The following ARL15 variants were observed in gnomAD, a reference collection of about 807,000 sequenced individuals.
ARL15 encodes ARF like GTPase 15.
ARL15 carries 19 observed loss-of-function variants against 25.2 expected under a neutral mutation model. The ratio of observed to expected loss-of-function variants is 0.75; its 90% CI spans 0.53 to 1.10. The LOEUF (loss-of-function observed/expected upper bound fraction) is 1.10. ARL15 is among the 50% of genes least tolerant of loss of function. ARL15 has a pLI of 0.00. For synonymous variants in ARL15, 94 were observed against 86.8 expected, an observed-to-expected ratio of 1.08 and a Z score of -0.46; for missense variants, 220 against 246.0, an observed-to-expected ratio of 0.89 and a Z score of 0.71.
intron 4 of ARL15, among the ~76,000 whole-genome samples, chr5:53,953,573 C>T (rs1747047699): frequency 6.6e-6 from 1 of 151,976 alleles, no homozygotes; most frequent in African/African-American, 2.4e-5. Flanking sequence ...TACTGATGGT[C>T]AGTGTGCTAT....
At chr5:54,136,447 GACAA>G (rs1753605357) in intron 3 of ARL15, among the ~76,000 whole-genome samples, 1 of 152,048 alleles carries the variant, frequency 6.6e-6, no homozygotes, top group Admixed American at 6.5e-5. Context: ...CTGTTTTTGT[GACAA>G]ACAAGTCTGT....
intron 4 of ARL15, among the ~76,000 whole-genome samples, chr5:53,962,293 C>A (rs1209145986): frequency 6.6e-6 from 1 of 152,052 alleles, no homozygotes; most frequent in Non-Finnish European, 1.5e-5. Flanking sequence ...TGTATTCTAT[C>A]CCATGTACTC....
intron 1 of ARL15, among the ~76,000 whole-genome samples, chr5:54,229,645 CTGT>C (rs1756615262): frequency 6.6e-6 from 1 of 152,198 alleles, no homozygotes. Context: ...CTATGTGCAC[CTGT>C]TGTTGTCCTA....
In ARL15 at chr5:53,926,954, A is replaced by ATTTTT. The variant is rs1249873929; in HGVS notation, c.463-40242_463-40241insAAAAA. Reference sequence around the variant, plus strand: ...GTCACCAAGACCTTTTTTTTTAAAAAAAAAAAATAAAGTCCAAAAGCCTCT... The same window carrying ATTTTT: ...GTCACCAAGACCTTTTTTTTTAAAAATTTTTAAAAAAATAAAGTCCAAAAGCCTCT... On this transcript the variant is annotated intron_variant, in intron 4 of 4. Transcript: ENST00000504924. Among the ~76,000 whole-genome samples, 739 of 151,790 alleles carry ATTTTT rather than the reference A, an allele frequency of 4.9e-3. 2 individuals carry two copies. Among genetic ancestry groups the ATTTTT allele is most frequent in the Admixed American group, 8.7e-3 (133 of 15,274 alleles).
chr5:53,901,101 C>T (rs919945006), intron 4 of ARL15, among the ~76,000 whole-genome samples: 2 of 152,160 alleles, frequency 1.3e-5, no homozygotes, highest in African/African-American at 2.4e-5. Flanking sequence ...ATAACATAGT[C>T]GTTAATTACA....
At chr5:53,906,722 G>A (rs1304394504) in intron 4 of ARL15, among the ~76,000 whole-genome samples, 1 of 152,016 alleles carries the variant, frequency 6.6e-6, no homozygotes, top group Non-Finnish European at 1.5e-5. Flanking sequence ...CTATCTTAAT[G>A]GTTTTTATGA....
chr5:54,134,822 A>T (rs1281894389), intron 3 of ARL15, among the ~76,000 whole-genome samples: 1 of 151,922 alleles, frequency 6.6e-6, no homozygotes. Flanking sequence ...TGACATGGTG[A>T]TCTGCCCACC....
chr5:54,043,484 C>T (rs1750407973), intron 4 of ARL15, among the ~76,000 whole-genome samples: 2 of 152,074 alleles, frequency 1.3e-5, no homozygotes, highest in African/African-American at 2.4e-5. Context: ...TTTCCAGCAA[C>T]ATTTTTCACA....
chr5:54,160,327 T>G (rs1408412286), intron 2 of ARL15, among the ~76,000 whole-genome samples: 1 of 152,252 alleles, frequency 6.6e-6, no homozygotes, highest in East Asian at 1.9e-4. Context: ...TTAAATGTCT[T>G]CTTCAAATTT....
chr5:54,198,294 G>A (rs369900279), intron 1 of ARL15, among the ~76,000 whole-genome samples: 1,898 of 152,112 alleles, frequency 0.012, 22 homozygotes, highest in African/African-American at 0.039. Context: ...AGTTCTGGCC[G>A]GGGCAATCAG....
chr5:54,110,982 T>C (rs889756948), intron 4 of ARL15, among the ~76,000 whole-genome samples: 2 of 152,040 alleles, frequency 1.3e-5, no homozygotes, highest in African/African-American at 4.8e-5. Flanking sequence ...AAATCTAGGA[T>C]ATATCCTTTT....
intron 4 of ARL15, among the ~76,000 whole-genome samples, chr5:54,015,996 G>A (rs1402034894): frequency 6.6e-6 from 1 of 152,048 alleles, no homozygotes; most frequent in Admixed American, 6.5e-5. Flanking sequence ...TGTAACTTGT[G>A]TCACCACCAC....
intron 4 of ARL15, among the ~76,000 whole-genome samples, chr5:54,103,984 A>C (rs1407620263): frequency 1.3e-5 from 2 of 152,140 alleles, no homozygotes; most frequent in Non-Finnish European, 2.9e-5. Flanking sequence ...GTTCCCCCAG[A>C]CTTCTGTAGT....
At chr5:54,202,050 T>C (rs569689307) in intron 1 of ARL15, among the ~76,000 whole-genome samples, 3 of 152,176 alleles carry the variant, frequency 2.0e-5, no homozygotes, top group Non-Finnish European at 2.9e-5. Flanking sequence ...TTAAAAGTCA[T>C]ATGAATGAGC....
At chr5:54,087,034 A>T (rs1370550946) in intron 4 of ARL15, among the ~76,000 whole-genome samples, 1 of 152,166 alleles carries the variant, frequency 6.6e-6, no homozygotes, top group Non-Finnish European at 1.5e-5. Flanking sequence ...AGCAGAAGTA[A>T]GGTGTTTAAG....
chr5:54,166,079 G>A (rs1358473693), intron 2 of ARL15, among the ~76,000 whole-genome samples: 1 of 152,096 alleles, frequency 6.6e-6, no homozygotes, highest in Non-Finnish European at 1.5e-5. Flanking sequence ...TTTGGGCACT[G>A]GGACCCAGCC....
At chr5:54,145,113 G>A (rs1469142199) in intron 3 of ARL15, among the ~76,000 whole-genome samples, 1 of 151,156 alleles carries the variant, frequency 6.6e-6, no homozygotes, top group Non-Finnish European at 1.5e-5. Context: ...TTTGGCTATG[G>A]AAGAAAAATA....
At chr5:54,204,424 T>C (rs984629778) in intron 1 of ARL15, among the ~76,000 whole-genome samples, 5 of 152,166 alleles carry the variant, frequency 3.3e-5, no homozygotes, top group African/African-American at 1.2e-4. Flanking sequence ...AAGCCAGTCT[T>C]AAACTGTCAT....
intron 3 of ARL15, among the ~76,000 whole-genome samples, chr5:54,114,646 C>G (rs1323439512): frequency 6.6e-6 from 1 of 152,068 alleles, no homozygotes; most frequent in East Asian, 1.9e-4. Context: ...CTGAGGCAGA[C>G]AGAGGTAAAG....
Sources: allele counts gnomAD v4.1 joint callset (sites outside exome capture counted in the v4.1 genomes callset), GRCh38; gene constraint gnomAD v4.1.1; transcripts MANE v1.5; gene names NCBI Gene and HGNC (gene_info 2026-07-23, HGNC 2026-07-21).